MREG: variants seen among roughly 807,000 people sequenced by gnomAD.
The protein encoded by MREG is dilute suppressor protein homolog.
A neutral mutation model predicts 28.5 loss-of-function variants in MREG; 31 were observed. The ratio of observed to expected loss-of-function variants is 1.09; its 90% CI spans 0.82 to 1.47. The LOEUF (loss-of-function observed/expected upper bound fraction) is 1.47. Ranked by LOEUF, MREG falls within the 40% of genes most tolerant of loss-of-function variation. The pLI is 0.00. For missense variants in MREG, 256 were observed against 257.4 expected, an observed-to-expected ratio of 0.99 and a Z score of 0.04; for synonymous variants, 106 against 95.2, an observed-to-expected ratio of 1.11 and a Z score of -0.66.
chr2:215,954,766 C>T (rs908509623), intron 2 of MREG, among the ~76,000 whole-genome samples: 25 of 151,836 alleles, frequency 1.6e-4, no homozygotes, highest in Non-Finnish European at 2.5e-4. Flanking sequence ...TGCAATGGCA[C>T]GATCTCTGCT....
At chr2:215,999,662 G>A (rs1004270023) in intron 1 of MREG, among the ~76,000 whole-genome samples, 8 of 152,292 alleles carry the variant, frequency 5.3e-5, no homozygotes, top group South Asian at 2.1e-4. Flanking sequence ...GGTTGAGAGC[G>A]AGGGAAATAG....
rs1692245840 is a variant in MREG, at chr2:215,943,847, A to AG, written c.*1015_*1016insC. On this transcript the variant is annotated 3_prime_UTR_variant, in exon 5 of 5. Coordinates refer to ENST00000263268, the MANE Select transcript of MREG (RefSeq NM_018000.3). ...CAGAGCGAGAGTCCATCAAAAAAAAAAAAAAAAAAAAAAAGAGCGAAAGGC... is the reference window on the plus strand; with the variant it reads ...CAGAGCGAGAGTCCATCAAAAAAAAAGAAAAAAAAAAAAAAGAGCGAAAGGC... 6.3e-6 allele frequency: 1 copy of AG among 157,524 alleles called. No homozygotes were observed. The highest frequency in any genetic ancestry group is 2.4e-5 in the African/African-American group (1 of 41,102). The allele number at this position is 157,524 out of a possible 1,614,324, so 9.8% of individuals were successfully genotyped here.
intron 2 of MREG, among the ~76,000 whole-genome samples, chr2:215,960,378 A>G (rs1010993333): frequency 2.0e-5 from 3 of 152,232 alleles, no homozygotes; most frequent in African/African-American, 7.2e-5. Flanking sequence ...CAGGTCCTCC[A>G]GTGGGGCTGC....
chr2:215,987,143 T>G (rs1252105003), intron 2 of MREG, among the ~76,000 whole-genome samples: 1 of 152,020 alleles, frequency 6.6e-6, no homozygotes, highest in Non-Finnish European at 1.5e-5. Context: ...TGGAAATATG[T>G]CCAAAATATA....
intron 2 of MREG, among the ~76,000 whole-genome samples, chr2:215,995,445 A>G (rs1398484737): frequency 2.6e-5 from 4 of 152,190 alleles, no homozygotes; most frequent in Non-Finnish European, 4.4e-5. Flanking sequence ...AAAGTTACCA[A>G]TTACCAAAAA....
intron 1 of MREG, among the ~76,000 whole-genome samples, chr2:216,028,913 A>G (rs1192879417): frequency 6.6e-6 from 1 of 152,060 alleles, no homozygotes; most frequent in Non-Finnish European, 1.5e-5. Context: ...GAAAAAGAAC[A>G]TAAAAAGGAA....
chr2:216,002,889 C>T (rs1694054727), intron 1 of MREG, among the ~76,000 whole-genome samples: 1 of 149,682 alleles, frequency 6.7e-6, no homozygotes, highest in South Asian at 2.1e-4. Flanking sequence ...CTGTCCTTCT[C>T]TTTCTGTCTC....
intron 1 of MREG, among the ~76,000 whole-genome samples, chr2:216,009,479 G>T (rs1366833457): frequency 3.9e-5 from 6 of 152,132 alleles, no homozygotes; most frequent in Non-Finnish European, 8.8e-5. Flanking sequence ...GCTTCTCTGT[G>T]TTCTGATTCA....
chr2:216,032,250 C>G (rs1012033896), intron 1 of MREG, among the ~76,000 whole-genome samples: 2 of 152,130 alleles, frequency 1.3e-5, no homozygotes, highest in Non-Finnish European at 2.9e-5. Context: ...GTAACTCAGT[C>G]CAGAGAAATG....
intron 1 of MREG, among the ~76,000 whole-genome samples, chr2:216,027,962 T>G (rs1315067744): frequency 2.6e-5 from 4 of 152,216 alleles, no homozygotes; most frequent in Non-Finnish European, 5.9e-5. Flanking sequence ...TTAATAAAAC[T>G]TGAAATTTTA....
intron 2 of MREG, among the ~76,000 whole-genome samples, chr2:215,963,463 A>AAC (rs1692854363): frequency 6.8e-6 from 1 of 147,838 alleles, no homozygotes; most frequent in South Asian, 2.1e-4. Flanking sequence ...AAACAAAAAA[A>AAC]CAGAGTTTTT....
At chr2:216,030,956 TCACACACACA>T (rs1219074422) in intron 1 of MREG, among the ~76,000 whole-genome samples, 2 of 113,400 alleles carry the variant, frequency 1.8e-5, no homozygotes, top group African/African-American at 3.8e-5. Flanking sequence ...TCTCTCTCTC[TCACACACACA>T]CACACACACA....
chr2:216,030,934 TCTCTCTCTCTCTCTC>T lies in MREG; in HGVS notation c.-68+1840_-68+1854del, dbSNP rs1434375346. The stretch of plus-strand genomic sequence containing the variant: ...AGCCCACTATGAGGCCCATTCTCTC[TCTCTCTCTCTCTCTC>T]TCTCTCTCACACACACACACACACA... On this transcript the variant is annotated intron_variant, in intron 1 of 3. Coordinates refer to the MREG transcript ENST00000420348. 8.1e-4 allele frequency among the ~76,000 whole-genome samples: 28 copies of T among 34,418 alleles called. No homozygotes were observed. In the East Asian group the frequency reaches 0.038, roughly 46 times the overall value. The allele number at this position is 34,418 out of a possible 152,430, so 22.6% of individuals were successfully genotyped here.
At chr2:216,011,546 A>C (rs185630146) in intron 1 of MREG, among the ~76,000 whole-genome samples, 8 of 152,342 alleles carry the variant, frequency 5.3e-5, no homozygotes, top group Non-Finnish European at 4.4e-5. Flanking sequence ...TTGAGGCACA[A>C]ATAATTTTAA....
chr2:215,988,488 T>C (rs941527798), intron 2 of MREG, among the ~76,000 whole-genome samples: 3 of 152,124 alleles, frequency 2.0e-5, no homozygotes, highest in Admixed American at 6.5e-5. Context: ...GACACCGAGC[T>C]AGCTACAAGA....
At chr2:215,952,984 T>C (rs895833311) in intron 2 of MREG, among the ~76,000 whole-genome samples, 1 of 152,010 alleles carries the variant, frequency 6.6e-6, no homozygotes, top group African/African-American at 2.4e-5. Flanking sequence ...TCTCTCCCCC[T>C]CTCTCTCTCC....
intron 1 of MREG, among the ~76,000 whole-genome samples, chr2:216,005,646 T>A (rs541262805): frequency 4.0e-5 from 6 of 151,700 alleles, no homozygotes; most frequent in East Asian, 3.9e-4. Context: ...AGACACAGGG[T>A]TTCACCATGT....
At chr2:215,993,130 A>C (rs1254785076) in intron 2 of MREG, among the ~76,000 whole-genome samples, 1 of 152,190 alleles carries the variant, frequency 6.6e-6, no homozygotes, top group African/African-American at 2.4e-5. Flanking sequence ...AAAAAGAACA[A>C]AGCTGGAGAC....
intron 1 of MREG, among the ~76,000 whole-genome samples, chr2:216,003,935 T>C (rs992499533): frequency 2.0e-5 from 3 of 152,216 alleles, no homozygotes; most frequent in Non-Finnish European, 2.9e-5. Flanking sequence ...GCCAAAGTGA[T>C]CCTTTTAATA....
Sources: allele counts gnomAD v4.1 joint callset (sites outside exome capture counted in the v4.1 genomes callset), GRCh38; gene constraint gnomAD v4.1.1; transcripts MANE v1.5; gene names NCBI Gene and HGNC (gene_info 2026-07-23, HGNC 2026-07-21).